The following PSD4 variants were observed in gnomAD, a reference collection of about 807,000 sequenced individuals.
PSD4 encodes pleckstrin and Sec7 domain containing 4, also known as PH and SEC7 domain-containing protein 4.
Under a neutral mutation model 112.5 loss-of-function variants are expected in PSD4, and 59 were observed. The observed-to-expected ratio is 0.52, with a 90% CI of 0.43 to 0.65. PSD4 has a LOEUF of 0.65. Among genes scored for constraint, PSD4 ranks in the 30% least tolerant of loss-of-function variants. The probability of loss-of-function intolerance (pLI) is 0.00; values close to 1 mark genes in which losing one functional copy is unlikely to be tolerated. For missense variants in PSD4, 1,267 were observed against 1,352.6 expected, an observed-to-expected ratio of 0.94 and a Z score of 0.99; for synonymous variants, 533 against 540.0, an observed-to-expected ratio of 0.99 and a Z score of 0.18.
Position 113,201,500 on chromosome 2 carries a change from T to C in PSD4, c.*85T>C. ...CCTGGAGGAGACTTATTTCAATGAG[T>C]CCACCATGACGGATGAGGCACCTCC... On this transcript the variant is annotated 3_prime_UTR_variant, in exon 17 of 17. Coordinates refer to ENST00000245796, the MANE Select transcript of PSD4 (RefSeq NM_012455.3). 2.6e-6 allele frequency: 4 copies of C among 1,534,446 alleles called. No individual in the cohort carries two copies. Among genetic ancestry groups the C allele is most frequent in the Non-Finnish European group, 1.8e-6 (2 of 1,133,164 alleles).
chr2:113,198,676 G>A (rs1407817946), intron 14 of PSD4, 64 bp from the exon 15 acceptor site: 17 of 1,485,178 alleles, frequency 1.1e-5, no homozygotes, highest in Non-Finnish European at 1.5e-5. Flanking sequence ...CACAGGAGGG[G>A]GCGGGAGGAG....
In PSD4 at chr2:113,192,543, C is replaced by T. The variant is rs775778273; in HGVS notation, c.1792C>T (p.Leu598=). 6.2e-7 allele frequency: 1 copy of T among 1,614,206 alleles called. No homozygotes were observed. Among genetic ancestry groups the T allele is most frequent in the Non-Finnish European group, 8.5e-7 (1 of 1,180,016 alleles). ...AWNLASRLYR[L]EGFRKSEVAA... is the part of the protein sequence containing the mutation. ...GAACTTGGCCTCACGCCTCTATCGCCTGGAGGGCTTCCGGAAGTCTGAAGT... is the reference window on the plus strand; with the variant it reads ...GAACTTGGCCTCACGCCTCTATCGCTTGGAGGGCTTCCGGAAGTCTGAAGT... Residue 598 remains leucine, a synonymous_variant, in exon 6 of 17, where the codon CTG becomes TTG. Coordinates refer to ENST00000245796, the MANE Select transcript of PSD4 (RefSeq NM_012455.3).
chr2:113,192,687 C>A, intron 6 of PSD4, 98 bp downstream of exon 6: 1 of 1,270,150 alleles, frequency 7.9e-7, no homozygotes, highest in Non-Finnish European at 1.1e-6. Flanking sequence ...CTTCCCGTCC[C>A]TGCCCTGTTC....
chr2:113,201,051 C>G (rs964724828), intron 16 of PSD4, 107 bp from the exon 17 acceptor site: 22 of 1,451,636 alleles, frequency 1.5e-5, no homozygotes, highest in Non-Finnish European at 2.0e-5. Context: ...CTGTCGAGGT[C>G]TGTATCGCCA....
At position 113,199,235 on chromosome 2, in the gene PSD4, C is replaced by G. The variant is rs749393092; in HGVS notation, c.2913+9C>G. 4.1e-6 allele frequency: 6 copies of G among 1,470,776 alleles called. No homozygotes were observed. In the South Asian group the frequency reaches 5.2e-5, roughly 13 times the overall value. 91.1% of individuals were successfully genotyped at this position (1,470,776 alleles called of 1,614,324 possible). On this transcript the variant is annotated intron_variant, in intron 16 of 16. Coordinates refer to ENST00000245796, the MANE Select transcript of PSD4 (RefSeq NM_012455.3). ...AGTACCTGGAGTACGAGGTGAGCGG[C>G]CGAGCCCACCTCCCCGCCGCTGCGC...
chr2:113,208,898 C>A lies in PSD4; in HGVS notation c.*7483C>A, dbSNP rs548670509. 1 of 152,180 alleles carries A rather than the reference C, an allele frequency of 6.6e-6. No homozygotes were observed. The highest frequency in any genetic ancestry group is 1.5e-5 in the Non-Finnish European group (1 of 68,030). The allele number at this position is 152,180 out of a possible 1,614,324, so 9.4% of individuals were successfully genotyped here. On this transcript the variant is annotated 3_prime_UTR_variant, in exon 17 of 17. Coordinates refer to ENST00000245796, the MANE Select transcript of PSD4 (RefSeq NM_012455.3). ...GAAGAAAGAATTGAAACATACAGAT[C>A]GTTTCTTTGCTCAAGGGAGTGTGGA... is the stretch of plus-strand genomic sequence containing the variant.
intron 2 of PSD4, among the ~76,000 whole-genome samples, chr2:113,184,336 G>T (rs1191188297): frequency 6.6e-6 from 1 of 151,522 alleles, no homozygotes; most frequent in African/African-American, 2.4e-5. Context: ...GTGTGGGGCA[G>T]TTAGGGCTGT....
chr2:113,199,521 TAC>T (rs2104510026), intron 16 of PSD4, among the ~76,000 whole-genome samples: 1 of 152,396 alleles, frequency 6.6e-6, no homozygotes, highest in South Asian at 2.1e-4. Flanking sequence ...GATGTTATTT[TAC>T]AGTTTTCTTT....
intron 1 of PSD4, among the ~76,000 whole-genome samples, chr2:113,177,826 C>A (rs1314172046): frequency 2.0e-5 from 3 of 152,182 alleles, no homozygotes; most frequent in African/African-American, 4.8e-5. Context: ...AAACTAGAAC[C>A]ACGCGGGTAA....
chr2:113,193,975 G>C, intron 10 of PSD4, 27 bp downstream of exon 10: 3 of 1,602,988 alleles, frequency 1.9e-6, no homozygotes, highest in Non-Finnish European at 2.6e-6. Flanking sequence ...CTTCTTATGA[G>C]CCTCATGTAG....
chr2:113,185,577 G>C, intron 4 of PSD4, 137 bp downstream of exon 4: 1 of 1,565,450 alleles, frequency 6.4e-7, no homozygotes, highest in African/African-American at 1.4e-5. Flanking sequence ...GACAGACTTG[G>C]GGTTAAATCC....
chr2:113,197,841 C>T lies in PSD4; in HGVS notation c.2552C>T (p.Thr851Met), dbSNP rs1427781564. The change falls in exon 14 of 17, where the codon ACG becomes ATG. Residue 851 changes from threonine (T) to methionine (M), a missense_variant. This residue lies in a region of PSD4 where 544 missense variants were observed against 648.6 expected (regional missense o/e 0.84). Coordinates refer to ENST00000245796, the MANE Select transcript of PSD4 (RefSeq NM_012455.3). ...GVHHSLATPA[T>M]HYTKKPHVFQ... is the part of the protein sequence containing the mutation. ...CACCACTCGCTGGCCACCCCCGCCACGCATTACACCAAGAAGCCGCACGTC... is the reference window on the plus strand; with the variant it reads ...CACCACTCGCTGGCCACCCCCGCCATGCATTACACCAAGAAGCCGCACGTC... 5.6e-6 allele frequency: 9 copies of T among 1,610,190 alleles called. No individual in the cohort carries two copies. The highest frequency in any genetic ancestry group is 4.5e-5 in the East Asian group (2 of 44,798).
intron 6 of PSD4, 21 bp downstream of exon 6, chr2:113,192,610 G>A: frequency 6.2e-7 from 1 of 1,611,718 alleles, no homozygotes; most frequent in Non-Finnish European, 8.5e-7. Flanking sequence ...TTGAGCCTGG[G>A]GAAGGCTGGA....
intron 5 of PSD4, 143 bp downstream of exon 5, chr2:113,186,398 G>A: frequency 1.1e-6 from 1 of 944,330 alleles, no homozygotes; most frequent in Non-Finnish European, 1.5e-6. Context: ...GTGGGTACCA[G>A]GAAGAGTTTT....
chr2:113,184,999 G>A lies in PSD4; in HGVS notation c.1099G>A (p.Asp367Asn). 1 of 1,614,248 alleles carries A rather than the reference G, an allele frequency of 6.2e-7. No homozygotes were observed. The highest frequency in any genetic ancestry group is 8.5e-7 in the Non-Finnish European group (1 of 1,180,036). ...TGCTCCATCTGCAGCACCGTGTGTG[G>A]ACGAAGCATTGACCTGGGAATCAGG... The part of the protein sequence containing the change: ...GPAPSAAPCV[D>N]EALTWESGCV... The change falls in exon 3 of 17, where the codon GAC becomes AAC. Residue 367 changes from aspartate (D) to asparagine (N), a missense_variant. Asp to Asn is a conservative substitution (Grantham distance 23, BLOSUM62 1). Coordinates refer to ENST00000245796, the MANE Select transcript of PSD4 (RefSeq NM_012455.3).
rs200368046 is a variant in PSD4, at chr2:113,201,267, G to A, written c.3023G>A (p.Arg1008Gln). Residue 1008 changes from arginine to glutamine, a missense_variant, in exon 17 of 17, where the codon CGG becomes CAG. Coordinates refer to ENST00000245796, the MANE Select transcript of PSD4 (RefSeq NM_012455.3). ...CTGGGGAGGGAAGCTGGAGGCACTC[G>A]GGAGCCCAAGCTCAGCCTGAAGAAG... is the stretch of plus-strand genomic sequence containing the variant. ...EQLGREAGGTREPKLSLKKSH... is the reference protein window; with the variant it reads ...EQLGREAGGTQEPKLSLKKSH... 1.2e-5 allele frequency: 20 copies of A among 1,614,026 alleles called. No individual in the cohort carries two copies. The highest frequency in any genetic ancestry group is 1.1e-4 in the East Asian group (5 of 44,894).
At chr2:113,197,506 A>C (rs756595717) in intron 12 of PSD4, 58 bp from the exon 13 acceptor site, 1 of 1,592,878 alleles carries the variant, frequency 6.3e-7, no homozygotes, top group South Asian at 1.1e-5. Context: ...CGTGTGTCTG[A>C]GTGTGTCTGG....
chr2:113,193,073 G>A lies in PSD4; in HGVS notation c.1864G>A (p.Glu622Lys). The A allele has an allele frequency of 1.2e-6, 2 of 1,614,176 alleles. No individual in the cohort carries two copies. Among genetic ancestry groups the A allele is most frequent in the South Asian group, 1.1e-5 (1 of 91,090 alleles). Residue 622 changes from glutamate to lysine, a missense_variant, in exon 7 of 17, where the codon GAG becomes AAG. Transcript: ENST00000245796. ...CAATGACTTTAGCAGGGCTGTGGCT[G>A]AGGAGTACCTGTCCTTCTTCCAGTT... ...KNNDFSRAVA[E>K]EYLSFFQFGG...
rs950267232 is a variant in PSD4 at position 113,204,741 on chromosome 2, C to A, written c.*3326C>A. 3.3e-5 allele frequency: 5 copies of A among 152,144 alleles called. No individual in the cohort carries two copies. The highest frequency in any genetic ancestry group is 9.7e-5 in the African/African-American group (4 of 41,412). The allele number at this position is 152,144 out of a possible 1,614,324, so 9.4% of individuals were successfully genotyped here. A position where few individuals can be genotyped will look rare whatever the true frequency, so the allele number is the denominator to read the frequency against. On this transcript the variant is annotated 3_prime_UTR_variant, in exon 17 of 17. Transcript: ENST00000245796. Reference sequence around the variant, plus strand: ...TGATATTTGTTTGTTGCTTGCCAGGCACCAGGGTAGATAAAAAGATCACCA... The same window carrying A: ...TGATATTTGTTTGTTGCTTGCCAGGAACCAGGGTAGATAAAAAGATCACCA...
Sources: gnomAD v4.1 joint callset for allele counts (sites outside exome capture counted in the v4.1 genomes callset) on GRCh38, gnomAD v4.1.1 for gene constraint, gnomAD v4.1.1 regional missense constraint, MANE v1.5 for transcripts, NCBI Gene and HGNC (gene_info 2026-07-23, HGNC 2026-07-21) for gene names.